The following GRID2 variants were observed in gnomAD, a reference collection of about 807,000 sequenced individuals.
The protein encoded by GRID2 is glutamate receptor ionotropic, delta-2.
GRID2 carries 33 observed loss-of-function variants against 114.8 expected under a neutral mutation model. That is an observed-to-expected ratio of 0.29 (90% CI 0.22 to 0.38). The LOEUF (loss-of-function observed/expected upper bound fraction) is 0.38. Among genes scored for constraint, GRID2 ranks in the 10% least tolerant of loss-of-function variants. The probability of loss-of-function intolerance (pLI) is 1.00; values close to 1 mark genes in which losing one functional copy is unlikely to be tolerated. For missense variants in GRID2, 1,184 were observed against 1,257.7 expected (o/e 0.94, Z 0.89); for synonymous variants, 505 against 449.9 (o/e 1.12, Z -1.55).
intron 12 of GRID2, among the ~76,000 whole-genome samples, chr4:93,498,729 G>A (rs568950283): frequency 6.6e-6 from 1 of 151,696 alleles, no homozygotes; most frequent in African/African-American, 2.4e-5. Flanking sequence ...AAGTCAGGTG[G>A]TTGTATCATT....
intron 1 of GRID2, among the ~76,000 whole-genome samples, chr4:92,349,406 T>TA (rs1727949688): frequency 6.6e-6 from 1 of 151,900 alleles, no homozygotes; most frequent in South Asian, 2.1e-4. Flanking sequence ...GTCAGTCTAT[T>TA]ATTAACCTGT....
intron 8 of GRID2, chr4:93,258,945 T>A (rs1749931585): frequency 2.2e-6 from 1 of 455,412 alleles, no homozygotes; most frequent in South Asian, 1.6e-5. Flanking sequence ...TGGCCCCAGG[T>A]GAGGAATATT....
chr4:92,638,105 A>T (rs1190865677), intron 2 of GRID2, among the ~76,000 whole-genome samples: 2 of 151,988 alleles, frequency 1.3e-5, no homozygotes, highest in Non-Finnish European at 2.9e-5. Flanking sequence ...GCTTAGTGTC[A>T]GTCATTTCTA....
At chr4:93,505,133 A>T (rs17020697) in intron 12 of GRID2, among the ~76,000 whole-genome samples, 7,410 of 152,076 alleles carry the variant, frequency 0.049, 345 homozygotes, top group East Asian at 0.14. Flanking sequence ...ATGTGCCTTA[A>T]GGTACCTAAT....
intron 1 of GRID2, among the ~76,000 whole-genome samples, chr4:92,543,439 G>A (rs908230385): frequency 2.0e-5 from 3 of 152,092 alleles, no homozygotes; most frequent in Non-Finnish European, 4.4e-5. Flanking sequence ...TATACTTTAA[G>A]AATTAACTTG....
At chr4:92,333,289 C>T (rs1324418679) in intron 1 of GRID2, among the ~76,000 whole-genome samples, 1 of 152,188 alleles carries the variant, frequency 6.6e-6, no homozygotes, top group East Asian at 1.9e-4. Context: ...AGCCAATGTT[C>T]TGGTGGCCAA....
intron 4 of GRID2, among the ~76,000 whole-genome samples, chr4:93,126,432 A>G (rs1734265032): frequency 6.6e-6 from 1 of 152,010 alleles, no homozygotes; most frequent in East Asian, 1.9e-4. Flanking sequence ...GACAATTTGA[A>G]CCAGATAATT....
intron 13 of GRID2, among the ~76,000 whole-genome samples, chr4:93,516,649 G>A (rs1172226050): frequency 1.3e-5 from 2 of 152,030 alleles, no homozygotes; most frequent in African/African-American, 4.8e-5. Flanking sequence ...CCCAGTTAAT[G>A]GGGTTCGGGT....
At chr4:92,960,029 AAAAAG>A (rs1253914684) in intron 2 of GRID2, among the ~76,000 whole-genome samples, 1 of 151,942 alleles carries the variant, frequency 6.6e-6, no homozygotes, top group Non-Finnish European at 1.5e-5. Flanking sequence ...GAGAAGAGAA[AAAAAG>A]GGGTGTATTT....
intron 1 of GRID2, among the ~76,000 whole-genome samples, chr4:92,505,480 A>C (rs180737349): frequency 1.3e-5 from 2 of 151,972 alleles, no homozygotes; most frequent in African/African-American, 4.8e-5. Flanking sequence ...ATTCTTAAGC[A>C]TGCACAGCAT....
chr4:93,266,582 A>G (rs1231938255), intron 8 of GRID2, among the ~76,000 whole-genome samples: 1 of 152,030 alleles, frequency 6.6e-6, no homozygotes, highest in Non-Finnish European at 1.5e-5. Flanking sequence ...TGAACATGTC[A>G]CTTGTATTTT....
intron 1 of GRID2, among the ~76,000 whole-genome samples, chr4:92,525,684 G>A (rs1725007400): frequency 6.6e-6 from 1 of 152,098 alleles, no homozygotes; most frequent in African/African-American, 2.4e-5. Context: ...TCCTAGAGAT[G>A]AGTGCAGAGG....
rs1161216679 is a variant in GRID2, at chr4:92,982,022, TAAAAAAAAAAAA to T, written c.245-102961_245-102950del. ...GTATCTTCACAGTCTAAAGTACTGG[TAAAAAAAAAAAA>T]AAAAAAAAAAAGAAAAAGAAAAAAG... On this transcript the variant is annotated intron_variant, in intron 2 of 15. Coordinates refer to ENST00000282020, the MANE Select transcript of GRID2 (RefSeq NM_001510.4). 1.4e-4 allele frequency among the ~76,000 whole-genome samples: 11 copies of T among 80,196 alleles called. No individual in the cohort carries two copies. The East Asian group carries it at 3.6e-3, about 26-fold the overall frequency. 52.6% of individuals were successfully genotyped at this position (80,196 alleles called of 152,430 possible). A position where few individuals can be genotyped will look rare whatever the true frequency, so the allele number is the denominator to read the frequency against.
At chr4:93,006,423 A>G (rs1302931700) in intron 2 of GRID2, among the ~76,000 whole-genome samples, 3 of 152,078 alleles carry the variant, frequency 2.0e-5, no homozygotes, top group Non-Finnish European at 2.9e-5. Flanking sequence ...GCACAGATAT[A>G]AGAACAGATG....
At chr4:92,429,962 T>C (rs1238135791) in intron 1 of GRID2, among the ~76,000 whole-genome samples, 1 of 152,198 alleles carries the variant, frequency 6.6e-6, no homozygotes, top group Non-Finnish European at 1.5e-5. Context: ...ATTAGATTTT[T>C]TCCTATAGAG....
At chr4:92,714,039 C>T (rs1735411385) in intron 2 of GRID2, among the ~76,000 whole-genome samples, 1 of 152,158 alleles carries the variant, frequency 6.6e-6, no homozygotes, top group African/African-American at 2.4e-5. Flanking sequence ...AACATCTCAT[C>T]TGAGACAAAG....
intron 2 of GRID2, among the ~76,000 whole-genome samples, chr4:92,845,953 AC>A (rs1743287474): frequency 1.3e-5 from 2 of 151,796 alleles, no homozygotes. Context: ...CTATTTTTCC[AC>A]CTGGCTCTTC....
intron 2 of GRID2, among the ~76,000 whole-genome samples, chr4:92,827,812 C>G (rs1741831979): frequency 6.6e-6 from 1 of 151,970 alleles, no homozygotes; most frequent in Non-Finnish European, 1.5e-5. Flanking sequence ...TTTTATGTTT[C>G]AAATTATTTA....
intron 8 of GRID2, among the ~76,000 whole-genome samples, chr4:93,382,800 T>C (rs988235725): frequency 2.6e-5 from 4 of 152,044 alleles, no homozygotes; most frequent in African/African-American, 9.7e-5. Context: ...GGATGCCTTA[T>C]AATTTTTTTT....
Sources: gnomAD v4.1 joint callset for allele counts (sites outside exome capture counted in the v4.1 genomes callset) on GRCh38, gnomAD v4.1.1 for gene constraint, MANE v1.5 for transcripts, NCBI Gene and HGNC (gene_info 2026-07-23, HGNC 2026-07-21) for gene names.